OR6N1: variants seen among roughly 807,000 people sequenced by gnomAD.
The protein encoded by OR6N1 is olfactory receptor 6N1.
For synonymous variants in OR6N1, 170 were observed against 150.7 expected (o/e 1.13, Z -0.94); for missense variants, 394 against 371.7 (o/e 1.06, Z -0.49).
chr1:158,813,293 T>A, the OR6N1 span, among the ~76,000 whole-genome samples: 2 of 152,188 alleles, frequency 1.3e-5, no homozygotes, highest in African/African-American at 4.8e-5. Context: ...CACACATACA[T>A]GAAATTATGT....
Position 158,766,696 on chromosome 1 carries a change from T to TG in OR6N1, c.-15dup. 1 of 1,578,920 alleles carries TG rather than the reference T, an allele frequency of 6.3e-7. No individual in the cohort carries two copies. The highest frequency in any genetic ancestry group is 8.6e-7 in the Non-Finnish European group (1 of 1,158,084). ...CCCTGTGTCCATTGCTCACCATTCA[T>TG]GTCCCTAGATGTGAAGTGTGGAAGG... On this transcript the variant is annotated 5_prime_UTR_variant, in exon 2 of 2. An upstream open reading frame in the 5' UTR gains an earlier in-frame stop. Coordinates refer to ENST00000641846, the MANE Select transcript of OR6N1 (RefSeq NM_001005185.2).
rs1657220914 is a variant in OR6N1 at position 158,765,392 on chromosome 1, TATTTATATTAAGTCAAGTAAATTTG to T, written c.*327_*351del. ...ATTTTGTTTAGGACATGCCTGACTA[TATTTATATTAAGTCAAGTAAATTTG>T]AAAAATGCCTATAAACGTATAATAG... On this transcript the variant is annotated 3_prime_UTR_variant, in exon 2 of 2. Coordinates refer to ENST00000641846, the MANE Select transcript of OR6N1 (RefSeq NM_001005185.2). 1 of 180,390 alleles carries T rather than the reference TATTTATATTAAGTCAAGTAAATTTG, an allele frequency of 5.5e-6. No individual in the cohort carries two copies. Among genetic ancestry groups the T allele is most frequent in the African/African-American group, 2.4e-5 (1 of 42,400 alleles). The allele number at this position is 180,390 out of a possible 1,614,324, so 11.2% of individuals were successfully genotyped here. A position where few individuals can be genotyped will look rare whatever the true frequency, so the allele number is the denominator to read the frequency against.
the OR6N1 span, among the ~76,000 whole-genome samples, chr1:158,838,940 T>C: frequency 6.6e-6 from 1 of 152,202 alleles, no homozygotes; most frequent in African/African-American, 2.4e-5. Context: ...TGGTAATTTC[T>C]ATTTTTTGTC....
the OR6N1 span, among the ~76,000 whole-genome samples, chr1:158,791,907 T>C: frequency 6.6e-6 from 1 of 152,210 alleles, no homozygotes; most frequent in African/African-American, 2.4e-5. Flanking sequence ...ATCTGTTAGG[T>C]CCATTTGTTC....
chr1:158,777,696 T>A, the OR6N1 span: 78 of 1,052,642 alleles, frequency 7.4e-5, no homozygotes, highest in Non-Finnish European at 1.0e-4. Flanking sequence ...GCTGAATCCA[T>A]GCCAAAACTT....
chr1:158,827,407 C>T, the OR6N1 span, among the ~76,000 whole-genome samples: 62 of 152,174 alleles, frequency 4.1e-4, no homozygotes, highest in African/African-American at 1.5e-3. Context: ...CTTAGTCTCC[C>T]TGATTGACTT....
the OR6N1 span, among the ~76,000 whole-genome samples, chr1:158,797,161 A>C: frequency 6.6e-6 from 1 of 152,176 alleles, no homozygotes; most frequent in East Asian, 1.9e-4. Context: ...TGCTAGCCCC[A>C]CCTGCCCCCT....
chr1:158,791,799 CT>C, the OR6N1 span, among the ~76,000 whole-genome samples: 586 of 152,270 alleles, frequency 3.8e-3, 4 homozygotes, highest in Non-Finnish European at 4.0e-3. Flanking sequence ...ATTGAGACTT[CT>C]TTTCTGGCCT....
upstream of OR6N1, chr1:158,776,967 C>A (rs771360819): frequency 1.9e-6 from 3 of 1,613,850 alleles, no homozygotes; most frequent in Non-Finnish European, 2.5e-6. Flanking sequence ...TCAGCACAGC[C>A]CCAATGATCC....
chr1:158,783,423 C>T, the OR6N1 span, among the ~76,000 whole-genome samples: 1 of 152,126 alleles, frequency 6.6e-6, no homozygotes, highest in Admixed American at 6.5e-5. Context: ...GCTAAATATC[C>T]TAAGTTTTAA....
At chr1:158,797,169 C>G in the OR6N1 span, among the ~76,000 whole-genome samples, 10 of 152,182 alleles carry the variant, frequency 6.6e-5, no homozygotes, top group Admixed American at 2.0e-4. Context: ...CCACCTGCCC[C>G]CTTTGTCTCT....
At chr1:158,804,742 A>G in the OR6N1 span, among the ~76,000 whole-genome samples, 1 of 152,184 alleles carries the variant, frequency 6.6e-6, no homozygotes, top group Non-Finnish European at 1.5e-5. Flanking sequence ...TAGGAAAAAA[A>G]TGATATGAAA....
the OR6N1 span, among the ~76,000 whole-genome samples, chr1:158,790,138 GT>G: frequency 6.6e-6 from 1 of 152,148 alleles, no homozygotes; most frequent in African/African-American, 2.4e-5. Flanking sequence ...TCAACAATGA[GT>G]TGGCTGTAAA....
the OR6N1 span, among the ~76,000 whole-genome samples, chr1:158,810,979 C>G: frequency 1.3e-5 from 2 of 151,996 alleles, no homozygotes; most frequent in Admixed American, 1.3e-4. Flanking sequence ...ATTTTATCAC[C>G]CAGGTATTAA....
the OR6N1 span, among the ~76,000 whole-genome samples, chr1:158,791,748 G>A: frequency 3.3e-5 from 5 of 152,176 alleles, no homozygotes; most frequent in Non-Finnish European, 4.4e-5. Flanking sequence ...GATTACAGGC[G>A]TGAGCCACAG....
chr1:158,788,064 A>G, the OR6N1 span, among the ~76,000 whole-genome samples: 2 of 152,202 alleles, frequency 1.3e-5, no homozygotes, highest in African/African-American at 2.4e-5. Context: ...TAGCCCACCT[A>G]CTAAGAGGAG....
At chr1:158,822,266 A>G in the OR6N1 span, among the ~76,000 whole-genome samples, 1 of 152,204 alleles carries the variant, frequency 6.6e-6, no homozygotes, top group Non-Finnish European at 1.5e-5. Flanking sequence ...TGATAGGAAT[A>G]ATATTGAATT....
At chr1:158,784,677 T>C in the OR6N1 span, among the ~76,000 whole-genome samples, 1 of 152,242 alleles carries the variant, frequency 6.6e-6, no homozygotes, top group African/African-American at 2.4e-5. Flanking sequence ...GTGATATTTG[T>C]CTTTCTATAC....
At chr1:158,795,888 T>A in the OR6N1 span, 25 of 152,312 alleles carry the variant, frequency 1.6e-4, no homozygotes, top group Non-Finnish European at 8.8e-5. Context: ...AGTTTTCCTG[T>A]TAAGTTCCTG....
Sources: gnomAD v4.1 joint callset for allele counts (sites outside exome capture counted in the v4.1 genomes callset) on GRCh38, gnomAD v4.1.1 for gene constraint, MANE v1.5 for transcripts, NCBI Gene and HGNC (gene_info 2026-07-23, HGNC 2026-07-21) for gene names.